The following NMNAT2 variants were observed in gnomAD, a reference collection of about 807,000 sequenced individuals.
The protein encoded by NMNAT2 is nicotinamide/nicotinic acid mononucleotide adenylyltransferase 2.
NMNAT2 carries 11 observed loss-of-function variants against 41.6 expected under a neutral mutation model. The ratio of observed to expected loss-of-function variants is 0.26; its 90% confidence interval spans 0.17 to 0.44. The LOEUF (loss-of-function observed/expected upper bound fraction) is 0.44. NMNAT2 is among the 20% of genes least tolerant of loss of function. NMNAT2 has a pLI of 1.00. For missense variants in NMNAT2, 288 were observed against 407.7 expected (o/e 0.71, Z 2.53); for synonymous variants, 148 against 151.2 (o/e 0.98, Z 0.16).
intron 1 of NMNAT2, among the ~76,000 whole-genome samples, chr1:183,410,752 C>T (rs1374232846): frequency 3.4e-5 from 5 of 145,868 alleles, no homozygotes; most frequent in Non-Finnish European, 6.0e-5. Context: ...TTTTAATTTC[C>T]TTTTTTTTTT....
At chr1:183,304,952 A>G in intron 1 of NMNAT2, 1 of 1,218,998 alleles carries the variant, frequency 8.2e-7, no homozygotes, top group Non-Finnish European at 1.1e-6. Flanking sequence ...CCATGCTGAG[A>G]GAACCTCTCA....
chr1:183,386,234 A>C (rs1235258387), intron 1 of NMNAT2, among the ~76,000 whole-genome samples: 1 of 152,206 alleles, frequency 6.6e-6, no homozygotes, highest in African/African-American at 2.4e-5. Context: ...AAGGTATCAC[A>C]AGATACCTTT....
intron 10 of NMNAT2, among the ~76,000 whole-genome samples, chr1:183,257,797 TC>T (rs1475853061): frequency 6.6e-6 from 1 of 151,658 alleles, no homozygotes; most frequent in Admixed American, 6.6e-5. Context: ...TTTTTTTTTT[TC>T]AAAAAACCAA....
intron 8 of NMNAT2, among the ~76,000 whole-genome samples, chr1:183,272,363 C>A (rs1224564168): frequency 1.3e-5 from 2 of 152,228 alleles, no homozygotes; most frequent in Non-Finnish European, 2.9e-5. Flanking sequence ...GGGTTCTGAT[C>A]TCCGAGGCTG....
At position 183,418,295 on chromosome 1, in the gene NMNAT2, T is replaced by G; in HGVS notation, c.-28A>C. 1 of 1,605,430 alleles carries G rather than the reference T, an allele frequency of 6.2e-7. No individual in the cohort carries two copies. The highest frequency in any genetic ancestry group is 1.3e-5 in the African/African-American group (1 of 74,670). On this transcript the variant is annotated 5_prime_UTR_variant, in exon 1 of 11. Coordinates refer to ENST00000287713, the MANE Select transcript of NMNAT2 (RefSeq NM_015039.4). ...TGCAGATGGGTCCTTCGCGGTGGTC[T>G]AGGGGTTGCCTCTCTTTTTGTGTCT...
intron 10 of NMNAT2, among the ~76,000 whole-genome samples, chr1:183,255,100 G>A (rs1286023034): frequency 6.6e-6 from 1 of 152,198 alleles, no homozygotes; most frequent in African/African-American, 2.4e-5. Context: ...TGTGACTGGT[G>A]TGAGATAAGG....
intron 10 of NMNAT2, among the ~76,000 whole-genome samples, chr1:183,253,242 A>G (rs1255111238): frequency 6.8e-6 from 1 of 148,022 alleles, no homozygotes; most frequent in Admixed American, 6.8e-5. Context: ...TATTTATTAT[A>G]TATTTTATAA....
At chr1:183,404,099 A>ATTTTTTT (rs10655990) in intron 1 of NMNAT2, among the ~76,000 whole-genome samples, 2 of 138,496 alleles carry the variant, frequency 1.4e-5, no homozygotes, top group Non-Finnish European at 1.5e-5. Context: ...CAGAAATGTA[A>ATTTTTTT]TTTTTTTTTT....
chr1:183,356,214 T>C (rs1215492311), intron 1 of NMNAT2, among the ~76,000 whole-genome samples: 1 of 152,280 alleles, frequency 6.6e-6, no homozygotes, highest in African/African-American at 2.4e-5. Context: ...TTAAGTATTT[T>C]GTTTTACATT....
intron 1 of NMNAT2, among the ~76,000 whole-genome samples, chr1:183,373,021 C>T (rs1663584969): frequency 1.3e-5 from 2 of 152,192 alleles, no homozygotes; most frequent in South Asian, 4.1e-4. Context: ...CAAGTCCAGG[C>T]CCAGATGTCT....
chr1:183,291,965 T>C (rs1320998845), intron 3 of NMNAT2, among the ~76,000 whole-genome samples: 1 of 152,096 alleles, frequency 6.6e-6, no homozygotes, highest in Non-Finnish European at 1.5e-5. Flanking sequence ...TTCACTGCTC[T>C]CATTCCCGCC....
chr1:183,345,069 G>T (rs1662897172), intron 1 of NMNAT2, among the ~76,000 whole-genome samples: 1 of 152,018 alleles, frequency 6.6e-6, no homozygotes, highest in Non-Finnish European at 1.5e-5. Context: ...TCTCCCTCTG[G>T]ACATCATATT....
At chr1:183,378,471 C>T (rs1663726040) in intron 1 of NMNAT2, among the ~76,000 whole-genome samples, 1 of 151,752 alleles carries the variant, frequency 6.6e-6, no homozygotes, top group African/African-American at 2.4e-5. Flanking sequence ...AGGAGAATCA[C>T]TTGAACCCAG....
chr1:183,320,081 T>C (rs752588867), intron 1 of NMNAT2, among the ~76,000 whole-genome samples: 62 of 152,252 alleles, frequency 4.1e-4, no homozygotes, highest in Non-Finnish European at 7.3e-4. Context: ...AAAAATTAAC[T>C]CTGAGTTCCT....
Position 183,250,458 on chromosome 1 carries a change from T to C in NMNAT2, c.*2183A>G, listed in dbSNP as rs199883844. The stretch of plus-strand genomic sequence containing the variant: ...GGACAGATATAATTTAAAAGAAAGA[T>C]GCCAGGGTAAGGCTTGGGAAGTGTA... On this transcript the variant is annotated 3_prime_UTR_variant, in exon 11 of 11. Coordinates refer to ENST00000287713, the MANE Select transcript of NMNAT2 (RefSeq NM_015039.4). 1.3e-5 allele frequency: 2 copies of C among 152,430 alleles called. No individual in the cohort carries two copies. Among genetic ancestry groups the C allele is most frequent in the Non-Finnish European group, 2.9e-5 (2 of 68,068 alleles). The allele number at this position is 152,430 out of a possible 1,614,324, so 9.4% of individuals were successfully genotyped here.
intron 1 of NMNAT2, among the ~76,000 whole-genome samples, chr1:183,334,121 G>A (rs925500876): frequency 2.6e-5 from 4 of 152,208 alleles, no homozygotes; most frequent in Admixed American, 2.6e-4. Context: ...CTGGAATGCA[G>A]TGGCACGATC....
intron 1 of NMNAT2, among the ~76,000 whole-genome samples, chr1:183,375,101 C>G (rs1663643731): frequency 6.6e-6 from 1 of 152,186 alleles, no homozygotes. Context: ...ATCACCACAG[C>G]TTCCTAACTC....
chr1:183,277,311 T>C (rs1661146471), intron 8 of NMNAT2, among the ~76,000 whole-genome samples: 2 of 152,022 alleles, frequency 1.3e-5, no homozygotes, highest in African/African-American at 4.8e-5. Context: ...GGCAAAATTC[T>C]GTCTCTACTA....
At chr1:183,319,634 CCTT>C (rs1394108847) in intron 1 of NMNAT2, among the ~76,000 whole-genome samples, 1 of 152,172 alleles carries the variant, frequency 6.6e-6, no homozygotes, top group African/African-American at 2.4e-5. Flanking sequence ...TTCCTTCTTT[CCTT>C]CTTCTCCTCT....
Sources: gnomAD v4.1 joint callset for allele counts (sites outside exome capture counted in the v4.1 genomes callset) on GRCh38, gnomAD v4.1.1 for gene constraint, MANE v1.5 for transcripts, NCBI Gene and HGNC (gene_info 2026-07-23, HGNC 2026-07-21) for gene names.